The following GLRB variants were observed in gnomAD, a reference collection of about 807,000 sequenced individuals.
GLRB encodes the protein glycine receptor subunit beta.
Under a neutral mutation model 54.2 loss-of-function variants are expected in GLRB, and 33 were observed. The ratio of observed to expected loss-of-function variants is 0.61; its 90% confidence interval spans 0.46 to 0.81. The LOEUF (loss-of-function observed/expected upper bound fraction) is 0.81, where lower values mean the gene tolerates loss of function less well. GLRB is among the 40% of genes least tolerant of loss of function. The pLI is 0.00. For missense variants in GLRB, 572 were observed against 584.6 expected, an observed-to-expected ratio of 0.98 and a Z score of 0.22; for synonymous variants, 209 against 208.2, an observed-to-expected ratio of 1.00 and a Z score of -0.03.
At chr4:157,137,144 T>C (rs1172161435) in intron 6 of GLRB, among the ~76,000 whole-genome samples, 4 of 152,130 alleles carry the variant, frequency 2.6e-5, no homozygotes, top group Non-Finnish European at 1.5e-5. Flanking sequence ...CCAGTTGCCA[T>C]TGTTATTTGA....
intron 8 of GLRB, 26 bp downstream of exon 8, chr4:157,143,985 ACAT>A: frequency 6.2e-7 from 1 of 1,601,908 alleles, no homozygotes; most frequent in Non-Finnish European, 8.6e-7. Flanking sequence ...CTTTTTTGTC[ACAT>A]CAGGAACAGA....
intron 4 of GLRB, among the ~76,000 whole-genome samples, chr4:157,135,538 G>T (rs941747446): frequency 6.6e-6 from 1 of 152,042 alleles, no homozygotes; most frequent in African/African-American, 2.4e-5. Flanking sequence ...TCCCCTGTAC[G>T]TGCTGTCTTG....
intron 2 of GLRB, among the ~76,000 whole-genome samples, chr4:157,086,351 C>T (rs1734412087): frequency 6.6e-6 from 1 of 152,118 alleles, no homozygotes; most frequent in Non-Finnish European, 1.5e-5. Context: ...AGTGGTGTGG[C>T]TTACTAATGC....
Position 157,143,814 on chromosome 4 carries a change from C to A in GLRB, c.759C>A (p.Tyr253Ter), listed in dbSNP as rs1429233614. Reference protein sequence around the residue: ...CTKYYKGTGYYTCVEVIFTLR... With the variant: ...CTKYYKGTGY The stretch of plus-strand genomic sequence containing the variant: ...TGTGTTTGCTTCTGAAAGGCTACTA[C>A]ACATGCGTGGAAGTCATCTTCACCC... Residue 253 changes from tyrosine (Y) to a stop codon, truncating the protein, a stop_gained, in exon 8 of 10, where the codon TAC becomes TAA. Coordinates refer to ENST00000264428, the MANE Select transcript of GLRB (RefSeq NM_000824.5). LOFTEE classifies it high-confidence loss of function. The A allele has an allele frequency of 6.2e-7, 1 of 1,613,128 alleles. No individual in the cohort carries two copies. Among genetic ancestry groups the A allele is most frequent in the Non-Finnish European group, 8.5e-7 (1 of 1,179,806 alleles).
At chr4:157,086,361 C>A (rs1014485051) in intron 2 of GLRB, among the ~76,000 whole-genome samples, 2 of 152,082 alleles carry the variant, frequency 1.3e-5, no homozygotes, top group African/African-American at 4.8e-5. Flanking sequence ...CTTACTAATG[C>A]TTTGATGTCT....
intron 4 of GLRB, among the ~76,000 whole-genome samples, chr4:157,129,349 G>A (rs1579222528): frequency 6.6e-6 from 1 of 151,696 alleles, no homozygotes; most frequent in South Asian, 2.1e-4. Flanking sequence ...AAAATAAATA[G>A]GTTTCAAAGA....
intron 2 of GLRB, among the ~76,000 whole-genome samples, chr4:157,086,630 A>G (rs1430501959): frequency 6.6e-6 from 1 of 152,224 alleles, no homozygotes; most frequent in Non-Finnish European, 1.5e-5. Flanking sequence ...ATATAAAATA[A>G]CTAGACTTTC....
chr4:157,118,559 T>G (rs995140845), intron 2 of GLRB, among the ~76,000 whole-genome samples: 1 of 151,608 alleles, frequency 6.6e-6, no homozygotes, highest in Non-Finnish European at 1.5e-5. Context: ...GTATGATCTA[T>G]GCACTTTTGG....
At chr4:157,090,852 C>T (rs1296763347) in intron 2 of GLRB, among the ~76,000 whole-genome samples, 1 of 152,124 alleles carries the variant, frequency 6.6e-6, no homozygotes, top group Non-Finnish European at 1.5e-5. Flanking sequence ...TGTTGGAAAG[C>T]TGTCAAACTC....
intron 2 of GLRB, among the ~76,000 whole-genome samples, chr4:157,102,868 T>A (rs1735083580): frequency 1.3e-5 from 2 of 152,114 alleles, no homozygotes; most frequent in Admixed American, 1.3e-4. Flanking sequence ...GTTCTCTATG[T>A]CAAAAGGTGA....
chr4:157,133,414 C>G (rs1217807471), intron 4 of GLRB, among the ~76,000 whole-genome samples: 1 of 151,892 alleles, frequency 6.6e-6, no homozygotes, highest in Non-Finnish European at 1.5e-5. Context: ...GTATAGGTAT[C>G]AATTCATTAG....
At chr4:157,094,573 G>T (rs966629489) in intron 2 of GLRB, among the ~76,000 whole-genome samples, 2 of 152,168 alleles carry the variant, frequency 1.3e-5, no homozygotes, top group Non-Finnish European at 2.9e-5. Context: ...TGAAAAGAGA[G>T]TAGCCTAAAG....
At chr4:157,122,923 G>A (rs1199017725) in intron 4 of GLRB, among the ~76,000 whole-genome samples, 2 of 151,604 alleles carry the variant, frequency 1.3e-5, no homozygotes, top group African/African-American at 4.8e-5. Flanking sequence ...AAGATGAAAG[G>A]GCCGGGAAAG....
At chr4:157,150,967 T>G (rs1737001732) in intron 8 of GLRB, among the ~76,000 whole-genome samples, 3 of 152,084 alleles carry the variant, frequency 2.0e-5, no homozygotes, top group Admixed American at 2.0e-4. Flanking sequence ...TAATTTCTCT[T>G]TCCTTAATTC....
At chr4:157,161,038 C>T (rs894242560) in intron 9 of GLRB, among the ~76,000 whole-genome samples, 6 of 152,098 alleles carry the variant, frequency 3.9e-5, no homozygotes, top group African/African-American at 1.4e-4. Context: ...CCTATATATT[C>T]AGGATAGTTA....
intron 2 of GLRB, among the ~76,000 whole-genome samples, chr4:157,111,261 A>G (rs1445230877): frequency 6.6e-6 from 1 of 151,896 alleles, no homozygotes; most frequent in African/African-American, 2.4e-5. Flanking sequence ...CTGTGCACTG[A>G]GCTTTGGGGA....
intron 2 of GLRB, among the ~76,000 whole-genome samples, chr4:157,104,409 A>G (rs1735146665): frequency 6.6e-6 from 1 of 152,042 alleles, no homozygotes; most frequent in Admixed American, 6.6e-5. Flanking sequence ...TATATATCCC[A>G]CTTGGTCATG....
chr4:157,103,944 T>C (rs1376513435), intron 2 of GLRB, among the ~76,000 whole-genome samples: 1 of 151,874 alleles, frequency 6.6e-6, no homozygotes. Flanking sequence ...TGTGTTTGTG[T>C]GTGTGTGTGT....
chr4:157,105,458 A>C (rs996370943), intron 2 of GLRB, among the ~76,000 whole-genome samples: 2 of 152,060 alleles, frequency 1.3e-5, no homozygotes, highest in East Asian at 1.9e-4. Flanking sequence ...ATCTGGCAGA[A>C]TGTTCCATGT....
Sources: gnomAD v4.1 joint callset for allele counts (sites outside exome capture counted in the v4.1 genomes callset) on GRCh38, gnomAD v4.1.1 for gene constraint, MANE v1.5 for transcripts, NCBI Gene and HGNC (gene_info 2026-07-23, HGNC 2026-07-21) for gene names.